Variants in PKIB observed in about 807,000 individuals in gnomAD.
PKIB encodes the protein PKI-beta.
In PKIB, 2 loss-of-function variants were observed where a neutral mutation model predicts 4.5. That is an observed-to-expected ratio of 0.44 (90% CI 0.18 to 1.39). PKIB has a LOEUF of 1.39. Among genes scored for constraint, PKIB ranks in the 40% most tolerant of loss-of-function variants. PKIB has a pLI of 0.27. For synonymous variants in PKIB, 38 were observed against 36.0 expected (o/e 1.06, Z -0.20); for missense variants, 94 against 92.6 (o/e 1.02, Z -0.06).
intron 2 of PKIB, among the ~76,000 whole-genome samples, chr6:122,487,726 C>A (rs1404927172): frequency 1.3e-5 from 2 of 152,182 alleles, no homozygotes; most frequent in Non-Finnish European, 2.9e-5. Flanking sequence ...TGATCATAGA[C>A]TTCCCAACCT....
At chr6:122,566,986 C>T (rs763136006) in intron 2 of PKIB, among the ~76,000 whole-genome samples, 41 of 152,064 alleles carry the variant, frequency 2.7e-4, no homozygotes, top group Non-Finnish European at 5.3e-4. Flanking sequence ...ACTCCTGGCT[C>T]GATATACAGT....
At chr6:122,623,714 C>A (rs1250641740) in intron 1 of PKIB, among the ~76,000 whole-genome samples, 1 of 152,120 alleles carries the variant, frequency 6.6e-6, no homozygotes. Flanking sequence ...ACTTTACACG[C>A]ATACATATAC....
intron 2 of PKIB, among the ~76,000 whole-genome samples, chr6:122,580,475 A>G (rs1773670338): frequency 1.3e-5 from 2 of 152,140 alleles, no homozygotes; most frequent in African/African-American, 2.4e-5. Flanking sequence ...CATTTCACCT[A>G]TGTTATGCTT....
At chr6:122,542,921 G>T (rs1034984009) in intron 2 of PKIB, among the ~76,000 whole-genome samples, 14 of 152,092 alleles carry the variant, frequency 9.2e-5, no homozygotes, top group Admixed American at 8.5e-4. Flanking sequence ...GCAATGGCAG[G>T]CGCCCCTCCC....
At chr6:122,488,790 C>T (rs1775849595) in intron 2 of PKIB, among the ~76,000 whole-genome samples, 1 of 152,172 alleles carries the variant, frequency 6.6e-6, no homozygotes, top group Admixed American at 6.5e-5. Context: ...GGCTTTCCCA[C>T]CAGGCAGAGG....
At chr6:122,538,581 G>C (rs1278402457) in intron 2 of PKIB, among the ~76,000 whole-genome samples, 5 of 152,170 alleles carry the variant, frequency 3.3e-5, no homozygotes, top group African/African-American at 4.8e-5. Flanking sequence ...GGTTACTGTA[G>C]CCTTGTAGTA....
intron 1 of PKIB, among the ~76,000 whole-genome samples, chr6:122,613,959 C>CAAAA (rs67112737): frequency 4.0e-3 from 307 of 77,026 alleles, no homozygotes; most frequent in African/African-American, 0.011. Flanking sequence ...GAGACTCCAT[C>CAAAA]AAAAAAAAAA....
intron 2 of PKIB, among the ~76,000 whole-genome samples, chr6:122,495,313 G>A (rs371252355): frequency 1.3e-5 from 2 of 151,942 alleles, no homozygotes; most frequent in East Asian, 1.9e-4. Flanking sequence ...TGCCTTCCTC[G>A]GTGGAAGGCC....
At chr6:122,684,287 A>G (rs1014204865) in intron 3 of PKIB, among the ~76,000 whole-genome samples, 9 of 152,352 alleles carry the variant, frequency 5.9e-5, no homozygotes, top group African/African-American at 2.2e-4. Context: ...ACCTTAGTCA[A>G]CAATACAGTA....
intron 3 of PKIB, among the ~76,000 whole-genome samples, chr6:122,683,986 T>C (rs1440767120): frequency 6.6e-6 from 1 of 152,190 alleles, no homozygotes; most frequent in Admixed American, 6.5e-5. Context: ...AATAGGTGAT[T>C]GGAAAAAGAA....
At chr6:122,526,963 T>G (rs1275872215) in intron 2 of PKIB, among the ~76,000 whole-genome samples, 1 of 152,210 alleles carries the variant, frequency 6.6e-6, no homozygotes, top group Admixed American at 6.5e-5. Context: ...ACCACCTGAA[T>G]TAATGATCTT....
At chr6:122,608,427 A>T (rs1774618243), upstream of PKIB, among the ~76,000 whole-genome samples, 1 of 152,102 alleles carries the variant, frequency 6.6e-6, no homozygotes, top group Non-Finnish European at 1.5e-5. Context: ...GGACTCAAAA[A>T]CTCCTCCTTG....
intron 2 of PKIB, among the ~76,000 whole-genome samples, chr6:122,532,687 G>C (rs1777295173): frequency 6.6e-6 from 1 of 152,176 alleles, no homozygotes; most frequent in Non-Finnish European, 1.5e-5. Context: ...GCTGTAGCGT[G>C]TGTTAATCCC....
At chr6:122,603,891 A>T (rs996765317) in intron 3 of PKIB, among the ~76,000 whole-genome samples, 1 of 152,124 alleles carries the variant, frequency 6.6e-6, no homozygotes, top group Non-Finnish European at 1.5e-5. Context: ...GATTTCTTTA[A>T]TTATTTTTGG....
chr6:122,695,458 T>C (rs1398807215), intron 3 of PKIB, among the ~76,000 whole-genome samples: 1 of 152,150 alleles, frequency 6.6e-6, no homozygotes, highest in Non-Finnish European at 1.5e-5. Flanking sequence ...TGCACATTAT[T>C]CAATTGTATG....
intron 2 of PKIB, among the ~76,000 whole-genome samples, chr6:122,501,950 A>G (rs1471170124): frequency 1.0e-5 from 1 of 97,038 alleles, no homozygotes; most frequent in African/African-American, 4.0e-5. Flanking sequence ...TTTTTTTTTT[A>G]ATTTTATTTT....
At chr6:122,671,803 CT>C (rs1263499792) in intron 2 of PKIB, among the ~76,000 whole-genome samples, 1 of 152,116 alleles carries the variant, frequency 6.6e-6, no homozygotes, top group Non-Finnish European at 1.5e-5. Flanking sequence ...AAATTTTGTG[CT>C]TCAGACCTGA....
intron 2 of PKIB, among the ~76,000 whole-genome samples, chr6:122,486,931 GTCTGTCTA>G (rs1270650695): frequency 2.3e-5 from 3 of 131,190 alleles, no homozygotes; most frequent in Non-Finnish European, 5.0e-5. Flanking sequence ...CACACTTGCT[GTCTGTCTA>G]TCTATCTATC....
chr6:122,619,806 T>A (rs1465087363), intron 1 of PKIB, among the ~76,000 whole-genome samples: 1 of 152,190 alleles, frequency 6.6e-6, no homozygotes, highest in Non-Finnish European at 1.5e-5. Flanking sequence ...TGTTGAAACT[T>A]TGTTATATGT....
Sources: gnomAD v4.1 joint callset for allele counts (sites outside exome capture counted in the v4.1 genomes callset) on GRCh38, gnomAD v4.1.1 for gene constraint, MANE v1.5 for transcripts, NCBI Gene and HGNC (gene_info 2026-07-23, HGNC 2026-07-21) for gene names.